TTC27: variants seen among roughly 807,000 people sequenced by gnomAD.
The protein encoded by TTC27 is tetratricopeptide repeat domain 27, also known as tetratricopeptide repeat protein 27.
A neutral mutation model predicts 115.9 loss-of-function variants in TTC27; 79 were observed. The ratio of observed to expected loss-of-function variants is 0.68; its 90% CI spans 0.57 to 0.82. The LOEUF (loss-of-function observed/expected upper bound fraction) is 0.82, where lower values mean the gene tolerates loss of function less well. Among genes scored for constraint, TTC27 ranks in the 40% least tolerant of loss-of-function variants. TTC27 has a pLI of 0.00. For missense variants in TTC27, 1,054 were observed against 993.1 expected (o/e 1.06, Z -0.82); for synonymous variants, 401 against 356.0 (o/e 1.13, Z -1.42).
intron 16 of TTC27, among the ~76,000 whole-genome samples, chr2:32,792,765 G>A (rs763634262): frequency 1.6e-4 from 24 of 152,250 alleles, no homozygotes; most frequent in Non-Finnish European, 3.2e-4. Context: ...CAAAGGGCCA[G>A]TGCCTTGCAC....
intron 8 of TTC27, among the ~76,000 whole-genome samples, chr2:32,677,512 C>T (rs1211937592): frequency 6.6e-6 from 1 of 152,054 alleles, no homozygotes; most frequent in Non-Finnish European, 1.5e-5. Flanking sequence ...TGCAATGGCG[C>T]AATCTTGGCT....
intron 7 of TTC27, among the ~76,000 whole-genome samples, chr2:32,670,648 C>T (rs368607412): frequency 2.1e-4 from 32 of 151,408 alleles, no homozygotes; most frequent in Non-Finnish European, 3.2e-4. Context: ...AATGGAATCT[C>T]GCTCTATTGC....
intron 9 of TTC27, among the ~76,000 whole-genome samples, chr2:32,690,374 C>A (rs1572518370): frequency 6.6e-6 from 1 of 152,090 alleles, no homozygotes; most frequent in Non-Finnish European, 1.5e-5. Flanking sequence ...AAGCATGGGA[C>A]TTGCCTTCAT....
intron 9 of TTC27, among the ~76,000 whole-genome samples, chr2:32,696,107 G>A (rs1349466004): frequency 1.8e-4 from 27 of 148,314 alleles, no homozygotes; most frequent in Non-Finnish European, 1.5e-4. Flanking sequence ...CTGGGTGACA[G>A]AGCGAGACTC....
chr2:32,814,668 A>G (rs965914727), intron 18 of TTC27, among the ~76,000 whole-genome samples: 5 of 152,180 alleles, frequency 3.3e-5, no homozygotes, highest in African/African-American at 1.2e-4. Context: ...TTTTTACTGT[A>G]CCTTCCCAAT....
At chr2:32,669,010 C>T (rs1231357696) in intron 7 of TTC27, among the ~76,000 whole-genome samples, 5 of 151,668 alleles carry the variant, frequency 3.3e-5, no homozygotes. Context: ...ACCCGGGAGG[C>T]GGAGCTTGCA....
rs556319486 is a variant in TTC27, at chr2:32,636,505, G to A, written c.396+2500G>A. Among the ~76,000 whole-genome samples, 401 of 152,276 alleles carry A rather than the reference G, an allele frequency of 2.6e-3. 2 individuals carry two copies. The highest frequency in any genetic ancestry group is 4.4e-3 in the Non-Finnish European group (300 of 68,018). On this transcript the variant is annotated intron_variant, in intron 3 of 19. Transcript: ENST00000317907. ...TTAGGATTATGGTGTGAGCCACTGC[G>A]CCTGGCCTTAATTCACATTTCTTGT... is the stretch of plus-strand genomic sequence containing the variant.
intron 12 of TTC27, among the ~76,000 whole-genome samples, chr2:32,743,632 G>A (rs1668719259): frequency 6.6e-6 from 1 of 152,078 alleles, no homozygotes; most frequent in East Asian, 1.9e-4. Flanking sequence ...TACACCATCA[G>A]GATGGGGAAC....
chr2:32,662,619 C>T (rs1280349751), intron 5 of TTC27, among the ~76,000 whole-genome samples: 1 of 152,076 alleles, frequency 6.6e-6, no homozygotes, highest in African/African-American at 2.4e-5. Context: ...GTGATATCCC[C>T]TTTATCATTT....
At chr2:32,762,328 T>A (rs1669469441) in intron 13 of TTC27, among the ~76,000 whole-genome samples, 2 of 97,952 alleles carry the variant, frequency 2.0e-5, no homozygotes, top group Admixed American at 1.0e-4. Context: ...TGTGTGTGTG[T>A]TGGGGGAACA....
At chr2:32,709,891 A>G (rs536060747) in intron 10 of TTC27, among the ~76,000 whole-genome samples, 96 of 152,246 alleles carry the variant, frequency 6.3e-4, no homozygotes, top group Non-Finnish European at 1.1e-3. Flanking sequence ...TTCAGTTTAC[A>G]CTAAAACTGT....
intron 12 of TTC27, among the ~76,000 whole-genome samples, chr2:32,739,882 G>A (rs1668570072): frequency 6.6e-6 from 1 of 152,104 alleles, no homozygotes; most frequent in African/African-American, 2.4e-5. Context: ...TTTAATCCTT[G>A]CATTTAATGC....
intron 18 of TTC27, among the ~76,000 whole-genome samples, chr2:32,815,223 A>AT (rs533493768): frequency 0.021 from 1,161 of 55,392 alleles, 254 homozygotes; most frequent in African/African-American, 0.043. Context: ...GCTGCTTCAG[A>AT]TTTTTTTTTT....
At chr2:32,651,641 G>A (rs1189730586) in intron 5 of TTC27, among the ~76,000 whole-genome samples, 2 of 152,116 alleles carry the variant, frequency 1.3e-5, no homozygotes, top group African/African-American at 4.8e-5. Flanking sequence ...CACTGCGCCC[G>A]GCGTCCTTCA....
At chr2:32,729,589 A>G (rs769631221) in intron 10 of TTC27, among the ~76,000 whole-genome samples, 10 of 152,208 alleles carry the variant, frequency 6.6e-5, no homozygotes, top group Non-Finnish European at 1.5e-4. Context: ...TGGCATTAAA[A>G]GGGAGTCTTA....
intron 4 of TTC27, among the ~76,000 whole-genome samples, chr2:32,642,937 G>A (rs976113418): frequency 3.9e-5 from 6 of 151,944 alleles, no homozygotes; most frequent in East Asian, 1.9e-4. Flanking sequence ...CCTAAGTGCC[G>A]AGATTATAGG....
chr2:32,729,374 CAG>C (rs1668215717), intron 10 of TTC27, among the ~76,000 whole-genome samples: 1 of 152,122 alleles, frequency 6.6e-6, no homozygotes, highest in African/African-American at 2.4e-5. Flanking sequence ...CTGTTGAAAA[CAG>C]AGCATTGAAA....
At chr2:32,654,721 A>C (rs1390151461) in intron 5 of TTC27, among the ~76,000 whole-genome samples, 1 of 145,044 alleles carries the variant, frequency 6.9e-6, no homozygotes, top group African/African-American at 2.6e-5. Context: ...TTTGAGATGG[A>C]GTCTCGCTCT....
At chr2:32,726,266 A>G (rs190398231) in intron 10 of TTC27, among the ~76,000 whole-genome samples, 1 of 152,230 alleles carries the variant, frequency 6.6e-6, no homozygotes, top group Non-Finnish European at 1.5e-5. Context: ...TTTCTTTTCT[A>G]TCGCATTGGC....
Sources: allele counts gnomAD v4.1 joint callset (sites outside exome capture counted in the v4.1 genomes callset), GRCh38; gene constraint gnomAD v4.1.1; transcripts MANE v1.5; gene names NCBI Gene and HGNC (gene_info 2026-07-23, HGNC 2026-07-21).